Variants in MDGA2 observed in about 807,000 individuals in gnomAD.
The protein encoded by MDGA2 is MAM domain-containing glycosylphosphatidylinositol anchor protein 2.
Under a neutral mutation model 117.8 loss-of-function variants are expected in MDGA2, and 40 were observed. The observed-to-expected ratio is 0.34, with a 90% CI of 0.26 to 0.44. MDGA2 has a LOEUF of 0.44. Among genes scored for constraint, MDGA2 ranks in the 20% least tolerant of loss-of-function variants. MDGA2 has a pLI of 1.00. For missense variants in MDGA2, 1,123 were observed against 1,250.6 expected (o/e 0.90, Z 1.54); for synonymous variants, 452 against 439.0 (o/e 1.03, Z -0.37).
chr14:47,176,020 A>G (rs1408275505), intron 3 of MDGA2, among the ~76,000 whole-genome samples: 1 of 152,210 alleles, frequency 6.6e-6, no homozygotes, highest in Non-Finnish European at 1.5e-5. Context: ...ATGAACAGAG[A>G]GCCAAATCAT....
chr14:47,604,230 A>T (rs1184666955), intron 1 of MDGA2, among the ~76,000 whole-genome samples: 1 of 151,970 alleles, frequency 6.6e-6, no homozygotes, highest in Non-Finnish European at 1.5e-5. Context: ...GGCAGTTCAA[A>T]TGTCACTTTC....
chr14:47,030,597 T>A (rs1317178874), intron 8 of MDGA2, among the ~76,000 whole-genome samples: 1 of 152,158 alleles, frequency 6.6e-6, no homozygotes, highest in Non-Finnish European at 1.5e-5. Context: ...ATACTATGAA[T>A]AAATTAATAT....
rs1884068889 is a variant in MDGA2, at chr14:46,920,136, T to C, written c.2114A>G (p.Tyr705Cys). 1 of 1,609,612 alleles carries C rather than the reference T, an allele frequency of 6.2e-7. No homozygotes were observed. Among genetic ancestry groups the C allele is most frequent in the Non-Finnish European group, 8.5e-7 (1 of 1,178,308 alleles). Residue 705 changes from tyrosine to cysteine, a missense_variant, in exon 10 of 17, where the codon TAT (tyrosine) becomes TGT (cysteine). Tyr to Cys is a radical substitution (Grantham distance 194). Around this residue, in one of 2 missense-constraint regions of MDGA2, gnomAD observed 890 missense variants for 1,050.3 expected, o/e 0.85. Coordinates refer to ENST00000399232, the MANE Select transcript of MDGA2 (RefSeq NM_001113498.3). ...VTGKAYAPEF[Y>C]YDTYNPVWQN... is the part of the protein sequence containing the mutation. ...CCATACTGGATTGTAGGTATCATAA[T>C]AGAATTCTGGAGCATAGGCCTTTCC...
intron 8 of MDGA2, among the ~76,000 whole-genome samples, chr14:46,993,067 T>TA (rs11422200): frequency 0.029 from 4,351 of 147,860 alleles, 221 homozygotes; most frequent in African/African-American, 0.099. Flanking sequence ...TAGTTATCCT[T>TA]AAAAAAAAAA....
At position 47,301,471 on chromosome 14, in the gene MDGA2, A is replaced by G. The variant is rs546142514; in HGVS notation, c.360T>C (p.Thr120=). The change falls in exon 2 of 17, where the codon ACT becomes ACC. Residue 120 remains threonine, a synonymous_variant. Transcript: ENST00000399232. ...EEERYSERVY[T]IREGETLELT... ...ACTCAAGGGTTTCTCCTTCCCGGAT[A>G]GTGTAGACCCTTTCGGAGTAGCGCT... 4 of 1,551,780 alleles carry G rather than the reference A, an allele frequency of 2.6e-6. No individual in the cohort carries two copies. The highest frequency in any genetic ancestry group is 2.4e-5 in the South Asian group (2 of 84,066).
chr14:47,365,655 G>A (rs1016871268), intron 1 of MDGA2, among the ~76,000 whole-genome samples: 1 of 152,188 alleles, frequency 6.6e-6, no homozygotes, highest in East Asian at 1.9e-4. Flanking sequence ...GTTCTAGATA[G>A]TAAATGGTAA....
chr14:47,567,233 A>G (rs1181734177), intron 1 of MDGA2, among the ~76,000 whole-genome samples: 1 of 152,130 alleles, frequency 6.6e-6, no homozygotes, highest in Non-Finnish European at 1.5e-5. Flanking sequence ...ATTTTAGAAG[A>G]TATCCATCCA....
intron 1 of MDGA2, among the ~76,000 whole-genome samples, chr14:47,456,088 A>C (rs1245579032): frequency 6.6e-6 from 1 of 152,076 alleles, no homozygotes; most frequent in Non-Finnish European, 1.5e-5. Flanking sequence ...AAAAATACTG[A>C]GATTACTTGA....
chr14:47,107,216 T>C (rs1038673110), intron 5 of MDGA2, among the ~76,000 whole-genome samples: 10 of 152,036 alleles, frequency 6.6e-5, no homozygotes, highest in Non-Finnish European at 1.2e-4. Flanking sequence ...AAGCCTGTTA[T>C]CACTCACCTG....
At chr14:47,080,135 T>G (rs958294573) in intron 6 of MDGA2, among the ~76,000 whole-genome samples, 19 of 152,190 alleles carry the variant, frequency 1.2e-4, no homozygotes, top group Non-Finnish European at 1.8e-4. Context: ...ATTTAACAGA[T>G]ACTGAATGCC....
intron 2 of MDGA2, among the ~76,000 whole-genome samples, chr14:47,253,158 A>C (rs1228853279): frequency 1.3e-5 from 2 of 152,192 alleles, no homozygotes; most frequent in Admixed American, 1.3e-4. Context: ...GTGAGGACAC[A>C]GCCAAACCAT....
At chr14:47,153,745 T>C (rs1047236286) in intron 3 of MDGA2, among the ~76,000 whole-genome samples, 1 of 148,754 alleles carries the variant, frequency 6.7e-6, no homozygotes, top group African/African-American at 2.5e-5. Context: ...GGGAGGGCTT[T>C]GTAAAAGACT....
At chr14:47,089,245 TTGAA>T in intron 6 of MDGA2, among the ~76,000 whole-genome samples, 1 of 152,178 alleles carries the variant, frequency 6.6e-6, no homozygotes, top group Non-Finnish European at 1.5e-5. Flanking sequence ...TGGCTAAAAT[TTGAA>T]TCGCTCCTTG....
At chr14:47,206,981 G>T (rs1347354050) in intron 3 of MDGA2, among the ~76,000 whole-genome samples, 5 of 151,984 alleles carry the variant, frequency 3.3e-5, no homozygotes, top group Non-Finnish European at 5.9e-5. Context: ...GAAGGATGAA[G>T]ATAAAAATTC....
intron 1 of MDGA2, among the ~76,000 whole-genome samples, chr14:47,588,690 G>T (rs572661233): frequency 3.3e-5 from 5 of 151,650 alleles, no homozygotes; most frequent in Non-Finnish European, 7.4e-5. Flanking sequence ...CCTTTCACTC[G>T]CTTGATGTTG....
At chr14:47,243,682 C>G (rs569598665) in intron 2 of MDGA2, among the ~76,000 whole-genome samples, 6 of 151,576 alleles carry the variant, frequency 4.0e-5, no homozygotes, top group African/African-American at 1.4e-4. Flanking sequence ...AAACTCCGAA[C>G]AGATCTGAAC....
intron 1 of MDGA2, among the ~76,000 whole-genome samples, chr14:47,350,111 G>A (rs1362927632): frequency 6.6e-6 from 1 of 152,158 alleles, no homozygotes; most frequent in Non-Finnish European, 1.5e-5. Context: ...ATGCTCCAAC[G>A]ATGTTCTGGA....
chr14:46,961,218 G>T (rs1476562414), intron 8 of MDGA2, among the ~76,000 whole-genome samples: 2 of 152,036 alleles, frequency 1.3e-5, no homozygotes, highest in African/African-American at 4.8e-5. Flanking sequence ...TTTGAAATTT[G>T]TTGGGCTTCT....
At chr14:47,344,736 AATG>A (rs1280054567) in intron 1 of MDGA2, among the ~76,000 whole-genome samples, 7 of 137,024 alleles carry the variant, frequency 5.1e-5, no homozygotes, top group African/African-American at 1.7e-4. Context: ...TTCGCATGTA[AATG>A]ATGATGAGTT....
Sources: allele counts gnomAD v4.1 joint callset (sites outside exome capture counted in the v4.1 genomes callset), GRCh38; gene constraint gnomAD v4.1.1; regional missense constraint gnomAD v4.1.1; transcripts MANE v1.5; gene names NCBI Gene and HGNC (gene_info 2026-07-23, HGNC 2026-07-21).